Variants in ADGRV1 observed in about 807,000 individuals in gnomAD.
ADGRV1 encodes the protein adhesion G protein-coupled receptor V1, also known as G-protein coupled receptor 98.
A neutral mutation model predicts 596.2 loss-of-function variants in ADGRV1; 359 were observed. The observed-to-expected ratio is 0.60, with a 90% CI of 0.55 to 0.66. The LOEUF (loss-of-function observed/expected upper bound fraction) is 0.66, where lower values mean the gene tolerates loss of function less well. Ranked by LOEUF, ADGRV1 falls within the 30% of genes least tolerant of loss-of-function variation. The pLI, the probability that ADGRV1 is intolerant of heterozygous loss-of-function variation, is 0.00. For synonymous variants in ADGRV1, 2,681 were observed against 2,679.2 expected, an observed-to-expected ratio of 1.00 and a Z score of -0.02; for missense variants, 7,274 against 7,575.6, an observed-to-expected ratio of 0.96 and a Z score of 1.48.
chr5:90,701,149 T>A (rs17622555), intron 34 of ADGRV1, among the ~76,000 whole-genome samples: 9,684 of 152,164 alleles, frequency 0.064, 415 homozygotes, highest in Non-Finnish European at 0.088. Context: ...GACACTTTGT[T>A]ATGTAAGGGT....
At chr5:90,816,816 G>C (rs1762944188) in intron 75 of ADGRV1, among the ~76,000 whole-genome samples, 1 of 151,700 alleles carries the variant, frequency 6.6e-6, no homozygotes, top group Admixed American at 6.6e-5. Context: ...TATCATTGTT[G>C]GACATTTGGG....
chr5:90,721,520 A>AAATT lies in ADGRV1; in HGVS notation c.9748+463_9748+464insTTAA, dbSNP rs57484720. ...CTTGGTCTAAAAAATAAAATAAAATAAAATAAAAATAAAAATAAAATAAAA... is the reference window on the plus strand; with the variant it reads ...CTTGGTCTAAAAAATAAAATAAAATAAATTAAATAAAAATAAAAATAAAATAAAA... On this transcript the variant is annotated intron_variant, in intron 45 of 89. Transcript: ENST00000405460. Among the ~76,000 whole-genome samples, 3 of 41,662 alleles carry AAATT rather than the reference A, an allele frequency of 7.2e-5. 1 individual carries two copies. Among genetic ancestry groups the AAATT allele is most frequent in the South Asian group, 7.6e-4 (1 of 1,312 alleles). 27.3% of individuals were successfully genotyped at this position (41,662 alleles called of 152,430 possible). A position where few individuals can be genotyped will look rare whatever the true frequency, so the allele number is the denominator to read the frequency against.
At chr5:90,637,389 A>T (rs1375524678) in intron 10 of ADGRV1, among the ~76,000 whole-genome samples, 4 of 152,182 alleles carry the variant, frequency 2.6e-5, no homozygotes, top group Non-Finnish European at 1.5e-5. Flanking sequence ...ATGGAAATAT[A>T]TTCTTTAGCA....
At chr5:91,043,963 G>A (rs55792004) in intron 85 of ADGRV1, among the ~76,000 whole-genome samples, 34,798 of 151,744 alleles carry the variant, frequency 0.23, 4,329 homozygotes, top group Non-Finnish European at 0.28. Flanking sequence ...CAAAAAGAAA[G>A]CAATCTGAGT....
chr5:91,151,928 C>T (rs761374838), intron 88 of ADGRV1, among the ~76,000 whole-genome samples: 1 of 152,200 alleles, frequency 6.6e-6, no homozygotes, highest in Non-Finnish European at 1.5e-5. Context: ...CTAAAGTTCT[C>T]AGATCGCCAT....
intron 27 of ADGRV1, among the ~76,000 whole-genome samples, chr5:90,682,691 T>TA (rs150826528): frequency 2.6e-5 from 4 of 152,062 alleles, no homozygotes; most frequent in African/African-American, 9.7e-5. Context: ...TCAGGAAAGA[T>TA]AAAAAAAGCG....
In ADGRV1 at chr5:90,745,718, G is replaced by T; in HGVS notation, c.10897G>T (p.Glu3633Ter). Residue 3633 changes from glutamate (E) to a stop codon, truncating the protein, a stop_gained, in exon 52 of 90, where the codon GAG becomes TAG. Coordinates refer to ENST00000405460, the MANE Select transcript of ADGRV1 (RefSeq NM_032119.4). LOFTEE classifies it high-confidence loss of function. ...VQLKNPKGGA[E>*]IGINDSVTIT... ...ACTTAAAAATCCCAAAGGAGGAGCA[G>T]AGATTGGCATTAATGATTCTGTAAC... 6.2e-7 allele frequency: 1 copy of T among 1,612,150 alleles called. No homozygotes were observed. The highest frequency in any genetic ancestry group is 8.5e-7 in the Non-Finnish European group (1 of 1,178,664).
chr5:90,690,468 G>T lies in ADGRV1; in HGVS notation c.6707-329G>T, dbSNP rs114172556. Among the ~76,000 whole-genome samples, 2,273 of 152,278 alleles carry T rather than the reference G, an allele frequency of 0.015. 26 individuals are homozygous for T. The highest frequency in any genetic ancestry group is 0.037 in the Middle Eastern group (11 of 294). Reference sequence around the variant, plus strand: ...AAGTTCCCTTTCCTGCATAACATCAGTCATGGGAACCAAATAGCAACTGCC... The same window carrying T: ...AAGTTCCCTTTCCTGCATAACATCATTCATGGGAACCAAATAGCAACTGCC... On this transcript the variant is annotated intron_variant, in intron 30 of 89. Coordinates refer to ENST00000405460, the MANE Select transcript of ADGRV1 (RefSeq NM_032119.4).
At chr5:90,677,267 T>C (rs551421901) in intron 25 of ADGRV1, among the ~76,000 whole-genome samples, 5 of 152,290 alleles carry the variant, frequency 3.3e-5, no homozygotes, top group Admixed American at 1.3e-4. Flanking sequence ...TGGGTAAATA[T>C]GCAAAAATTT....
At chr5:91,102,189 G>A (rs764495298) in intron 86 of ADGRV1, 30 bp from the exon 87 acceptor site, 2 of 1,584,448 alleles carry the variant, frequency 1.3e-6, no homozygotes, top group South Asian at 2.3e-5. Flanking sequence ...GTATTCTGAA[G>A]CTCAAAAATT....
rs145586525 is a variant in ADGRV1, at chr5:90,732,209, G to T, written c.10549+2445G>T. Among the ~76,000 whole-genome samples the T allele has an allele frequency of 6.9e-3, 1,048 of 152,120 alleles. 7 individuals carry two copies. The highest frequency in any genetic ancestry group is 0.023 in the African/African-American group (969 of 41,506). On this transcript the variant is annotated intron_variant, in intron 50 of 89. Transcript: ENST00000405460. The stretch of plus-strand genomic sequence containing the variant: ...TTTAAAAGTGGAGTTTCTTTGTGTT[G>T]CCCAGCCTGGTCTTGAGCTCCAGGC...
intron 1 of ADGRV1, among the ~76,000 whole-genome samples, chr5:90,577,010 G>A (rs562007566): frequency 6.6e-6 from 1 of 152,184 alleles, no homozygotes; most frequent in South Asian, 2.1e-4. Flanking sequence ...GTAGATTCTG[G>A]ATATTAGCCA....
chr5:90,602,126 C>CGTA (rs1761483026), intron 1 of ADGRV1, among the ~76,000 whole-genome samples: 1 of 152,136 alleles, frequency 6.6e-6, no homozygotes, highest in Non-Finnish European at 1.5e-5. Flanking sequence ...TTTAGACTCC[C>CGTA]GTATGTGTAT....
chr5:90,991,247 A>G (rs1780934229), intron 85 of ADGRV1, among the ~76,000 whole-genome samples: 1 of 152,196 alleles, frequency 6.6e-6, no homozygotes, highest in Non-Finnish European at 1.5e-5. Context: ...TGTACTTCTA[A>G]AATGCCTGCT....
At position 90,753,731 on chromosome 5, in the gene ADGRV1, G is replaced by C. The variant is rs751676240; in HGVS notation, c.11279G>C (p.Arg3760Thr). 1.2e-6 allele frequency: 2 copies of C among 1,613,642 alleles called. No homozygotes were observed. Among genetic ancestry groups the C allele is most frequent in the Non-Finnish European group, 1.7e-6 (2 of 1,179,692 alleles). The change falls in exon 54 of 90, where the codon AGA (arginine) becomes ACA (threonine). Residue 3760 changes from arginine to threonine, a missense_variant. This residue lies in a region of ADGRV1 where 3,643 missense variants were observed against 3,809.2 expected (regional missense o/e 0.96). Coordinates refer to ENST00000405460, the MANE Select transcript of ADGRV1 (RefSeq NM_032119.4). ...SYKGATIDQD[R>T]SKSVITTLPN... ...AAAGGTGCTACTATTGATCAGGACA[G>C]AAGCAAGTCTGTTATAACAACTTTG...
rs1751686994 is a variant in ADGRV1, at chr5:90,725,750, A to G, written c.10161+94A>G. 37 of 749,546 alleles carry G rather than the reference A, an allele frequency of 4.9e-5. 1 individual carries two copies. The South Asian group carries it at 6.4e-4, about 13-fold the overall frequency. 46.4% of individuals were successfully genotyped at this position (749,546 alleles called of 1,614,324 possible). A position where few individuals can be genotyped will look rare whatever the true frequency, so the allele number is the denominator to read the frequency against. The stretch of plus-strand genomic sequence containing the variant: ...CAAAGGTATGGTCTGCTGGTTTAGT[A>G]TAAAAGAAAACCAAAATTTGATTGT... On this transcript the variant is annotated intron_variant, in intron 48 of 89. Coordinates refer to ENST00000405460, the MANE Select transcript of ADGRV1 (RefSeq NM_032119.4).
At chr5:91,104,083 T>A (rs1791633180) in intron 87 of ADGRV1, among the ~76,000 whole-genome samples, 1 of 152,210 alleles carries the variant, frequency 6.6e-6, no homozygotes, top group African/African-American at 2.4e-5. Context: ...CTAATTTTTT[T>A]AATTTTGTCA....
Position 90,635,154 on chromosome 5 carries a change from C to T in ADGRV1, c.1880C>T (p.Pro627Leu), listed in dbSNP as rs1766008557. ...TTGTTAAACATAATTCCTCTAATCCCACCCATAAGCCCTAGATTTGGGGAA... is the reference window on the plus strand; with the variant it reads ...TTGTTAAACATAATTCCTCTAATCCTACCCATAAGCCCTAGATTTGGGGAA... ...VELLNIIPLIPPISPRFGEIC... is the reference protein window; with the variant it reads ...VELLNIIPLILPISPRFGEIC... The change falls in exon 10 of 90, where the codon CCA becomes CTA. Residue 627 changes from proline (P) to leucine (L), a missense_variant. Physicochemically the swap from Pro to Leu is moderately conservative, Grantham distance 98. This residue lies in a region of ADGRV1 where 1,715 missense variants were observed against 1,708.8 expected (regional missense o/e 1.00). Coordinates refer to ENST00000405460, the MANE Select transcript of ADGRV1 (RefSeq NM_032119.4). 2 of 1,607,704 alleles carry T rather than the reference C, an allele frequency of 1.2e-6. No homozygotes were observed. The highest frequency in any genetic ancestry group is 8.5e-7 in the Non-Finnish European group (1 of 1,174,628).
intron 70 of ADGRV1, among the ~76,000 whole-genome samples, chr5:90,795,587 T>C (rs1760606467): frequency 1.3e-5 from 2 of 152,038 alleles, no homozygotes; most frequent in South Asian, 4.1e-4. Context: ...AGACTTAAAC[T>C]TCCCTGCCTG....
Sources: gnomAD v4.1 joint callset for allele counts (sites outside exome capture counted in the v4.1 genomes callset) on GRCh38, gnomAD v4.1.1 for gene constraint, gnomAD v4.1.1 regional missense constraint, MANE v1.5 for transcripts, NCBI Gene and HGNC (gene_info 2026-07-23, HGNC 2026-07-21) for gene names.